Variants in DPYD observed in about 807,000 individuals in gnomAD.
DPYD encodes the protein dihydropyrimidine dehydrogenase.
Under a neutral mutation model 116.2 loss-of-function variants are expected in DPYD, and 109 were observed. The observed-to-expected ratio is 0.94, with a 90% CI of 0.80 to 1.10. The LOEUF (loss-of-function observed/expected upper bound fraction) is 1.10, where lower values mean the gene tolerates loss of function less well. Among genes scored for constraint, DPYD ranks in the 50% least tolerant of loss-of-function variants. The pLI, the probability that DPYD is intolerant of heterozygous loss-of-function variation, is 0.00. For missense variants in DPYD, 1,302 were observed against 1,254.5 expected (o/e 1.04, Z -0.57); for synonymous variants, 440 against 432.0 (o/e 1.02, Z -0.23).
chr1:97,376,828 A>G (rs11580977), intron 15 of DPYD, among the ~76,000 whole-genome samples: 25,533 of 149,622 alleles, frequency 0.17, 2,800 homozygotes, highest in Non-Finnish European at 0.24. Flanking sequence ...TACATTATCT[A>G]TTTATCATCC....
intron 16 of DPYD, among the ~76,000 whole-genome samples, chr1:97,311,521 A>C (rs903867792): frequency 1.3e-5 from 2 of 151,738 alleles, no homozygotes; most frequent in African/African-American, 2.4e-5. Context: ...GGTTGGGGGA[A>C]AGTCAATACA....
intron 8 of DPYD, among the ~76,000 whole-genome samples, chr1:97,646,866 G>A (rs1008959282): frequency 1.3e-5 from 2 of 152,060 alleles, no homozygotes; most frequent in Non-Finnish European, 2.9e-5. Flanking sequence ...GATTACTTGA[G>A]TAGTTTCACC....
intron 13 of DPYD, among the ~76,000 whole-genome samples, chr1:97,493,481 T>C (rs1004331962): frequency 6.6e-6 from 1 of 152,198 alleles, no homozygotes; most frequent in Admixed American, 6.5e-5. Context: ...GCCTTCTCCA[T>C]AGGGCTCCTG....
In DPYD at chr1:97,879,718, G is replaced by A. The variant is rs892307693; in HGVS notation, c.150+3546C>T. On this transcript the variant is annotated intron_variant, in intron 2 of 22. Transcript: ENST00000370192. ...CTGCCATTCTTAAGGCACTTTTACC[G>A]GTCAAACACATGCTTATTTTCTAAG... Among the ~76,000 whole-genome samples the A allele has an allele frequency of 1.8e-4, 28 of 151,872 alleles. No homozygotes were observed. The Middle Eastern group carries it at 0.01, about 55-fold the overall frequency.
At chr1:97,306,120 A>G in intron 17 of DPYD, 57 bp downstream of exon 17, 1 of 1,609,732 alleles carries the variant, frequency 6.2e-7, no homozygotes. Context: ...GAGTATGGCT[A>G]CATAATGTGG....
At position 97,631,587 on chromosome 1, in the gene DPYD, G is replaced by A. The variant is rs1005358051; in HGVS notation, c.851-36421C>T. 8.1e-4 allele frequency among the ~76,000 whole-genome samples: 123 copies of A among 152,060 alleles called. 1 individual carries two copies. Among genetic ancestry groups the A allele is most frequent in the Non-Finnish European group, 8.8e-5 (6 of 67,998 alleles). On this transcript the variant is annotated intron_variant, in intron 8 of 22. Transcript: ENST00000370192. ...AAAAGAGATGGACAAAAGAGAAAAA[G>A]TGCTTCAAAGGAACTAAGCCAGAGG...
At chr1:97,368,771 A>G (rs1363336596) in intron 16 of DPYD, among the ~76,000 whole-genome samples, 1 of 152,240 alleles carries the variant, frequency 6.6e-6, no homozygotes, top group East Asian at 1.9e-4. Flanking sequence ...CATGTTTGAG[A>G]ATGAGCACAT....
chr1:97,437,162 GACTCTTTATA>G (rs1008351334), intron 14 of DPYD, among the ~76,000 whole-genome samples: 1 of 151,568 alleles, frequency 6.6e-6, no homozygotes, highest in Non-Finnish European at 1.5e-5. Context: ...GTTTCCATGT[GACTCTTTATA>G]ACTCCTCTCT....
At chr1:97,679,988 G>A (rs986149068) in intron 7 of DPYD, among the ~76,000 whole-genome samples, 1 of 152,130 alleles carries the variant, frequency 6.6e-6, no homozygotes, top group East Asian at 1.9e-4. Flanking sequence ...ATTAAGCACT[G>A]GTTCTTCAGT....
chr1:97,472,929 C>T (rs1169086180), intron 13 of DPYD, among the ~76,000 whole-genome samples: 1 of 152,146 alleles, frequency 6.6e-6, no homozygotes, highest in East Asian at 1.9e-4. Flanking sequence ...TATAATCAAC[C>T]TAACTGACAC....
intron 18 of DPYD, among the ~76,000 whole-genome samples, chr1:97,290,693 G>T (rs913668354): frequency 6.6e-6 from 1 of 152,120 alleles, no homozygotes; most frequent in East Asian, 1.9e-4. Flanking sequence ...ATTCAAGATA[G>T]ATTAAAGACT....
chr1:97,673,090 AT>A (rs909699375), intron 8 of DPYD, among the ~76,000 whole-genome samples: 4 of 151,838 alleles, frequency 2.6e-5, no homozygotes, highest in Non-Finnish European at 5.9e-5. Flanking sequence ...AAGTATGGAT[AT>A]TTGCACTTGT....
chr1:97,258,433 A>G (rs1284023470), intron 18 of DPYD, among the ~76,000 whole-genome samples: 1 of 152,078 alleles, frequency 6.6e-6, no homozygotes, highest in African/African-American at 2.4e-5. Context: ...CTTCAGGGGG[A>G]CAATTCTATA....
intron 13 of DPYD, among the ~76,000 whole-genome samples, chr1:97,476,268 C>T (rs868596292): frequency 6.6e-6 from 1 of 152,124 alleles, no homozygotes; most frequent in Non-Finnish European, 1.5e-5. Context: ...CTGGGTTGGA[C>T]TATCAATCAA....
At chr1:97,748,449 A>T (rs1289671282) in intron 3 of DPYD, among the ~76,000 whole-genome samples, 1 of 152,100 alleles carries the variant, frequency 6.6e-6, no homozygotes, top group Non-Finnish European at 1.5e-5. Flanking sequence ...TCTACTAAAA[A>T]TTCAAAAAAA....
intron 8 of DPYD, among the ~76,000 whole-genome samples, chr1:97,618,021 A>G (rs755601469): frequency 1.3e-5 from 2 of 152,182 alleles, no homozygotes; most frequent in Non-Finnish European, 2.9e-5. Context: ...ATAACTATAT[A>G]AGAAACCAAA....
At chr1:97,425,974 C>T (rs544143915) in intron 14 of DPYD, among the ~76,000 whole-genome samples, 1 of 150,588 alleles carries the variant, frequency 6.6e-6, no homozygotes, top group South Asian at 2.1e-4. Context: ...CAACATTTGT[C>T]AGTTCTGAGT....
intron 19 of DPYD, among the ~76,000 whole-genome samples, chr1:97,224,423 T>C (rs1660980215): frequency 6.6e-6 from 1 of 152,092 alleles, no homozygotes; most frequent in South Asian, 2.1e-4. Context: ...GCATGATGTT[T>C]TGTTATACAT....
intron 18 of DPYD, among the ~76,000 whole-genome samples, chr1:97,245,903 C>G (rs1662686713): frequency 6.6e-6 from 1 of 152,102 alleles, no homozygotes; most frequent in Non-Finnish European, 1.5e-5. Flanking sequence ...AACACATTCT[C>G]TTTCACTTTA....
Sources: gnomAD v4.1 joint callset for allele counts (sites outside exome capture counted in the v4.1 genomes callset) on GRCh38, gnomAD v4.1.1 for gene constraint, MANE v1.5 for transcripts, NCBI Gene and HGNC (gene_info 2026-07-23, HGNC 2026-07-21) for gene names.